The following ZNF713 variants were observed in gnomAD, a reference collection of about 807,000 sequenced individuals.
ZNF713 encodes zinc finger protein 713.
ZNF713 carries 21 observed loss-of-function variants against 28.7 expected under a neutral mutation model. The observed-to-expected ratio is 0.73, with a 90% CI of 0.52 to 1.05. ZNF713 has a LOEUF of 1.05. ZNF713 is among the 50% of genes least tolerant of loss of function. The probability of loss-of-function intolerance (pLI) is 0.00; values close to 1 mark genes in which losing one functional copy is unlikely to be tolerated. For synonymous variants in ZNF713, 167 were observed against 178.0 expected, an observed-to-expected ratio of 0.94 and a Z score of 0.49; for missense variants, 458 against 532.4, an observed-to-expected ratio of 0.86 and a Z score of 1.37.
At chr7:55,934,141 G>T (rs1584319638) in intron 6 of ZNF713, among the ~76,000 whole-genome samples, 2 of 152,268 alleles carry the variant, frequency 1.3e-5, no homozygotes, top group East Asian at 3.9e-4. Context: ...AAGATTGTTG[G>T]CAAAGAGACT....
chr7:55,921,337 T>G (rs1785989121), intron 4 of ZNF713, among the ~76,000 whole-genome samples: 1 of 152,198 alleles, frequency 6.6e-6, no homozygotes, highest in Non-Finnish European at 1.5e-5. Flanking sequence ...AAGGAGTAAT[T>G]TTGACTTTCA....
In ZNF713 at chr7:55,939,042, A is replaced by G; in HGVS notation, c.368A>G (p.Asn123Ser). 1 of 1,609,048 alleles carries G rather than the reference A, an allele frequency of 6.2e-7. No homozygotes were observed. The highest frequency in any genetic ancestry group is 8.5e-7 in the Non-Finnish European group (1 of 1,178,048). The change falls in exon 7 of 7, where the codon AAT becomes AGT. Residue 123 changes from asparagine to serine, a missense_variant. Transcript: ENST00000429591. ...STTSQNISDENQTHEMIMERL... is the reference protein window; with the variant it reads ...STTSQNISDESQTHEMIMERL... ...ACAAGCCAGAATATTTCTGATGAAA[A>G]TCAAACCCATGAGATGATAATGGAG... is the stretch of plus-strand genomic sequence containing the variant.
At chr7:55,892,555 C>CAAAAAAAAAA (rs56338467) in intron 1 of ZNF713, among the ~76,000 whole-genome samples, 32 of 74,358 alleles carry the variant, frequency 4.3e-4, no homozygotes, top group East Asian at 9.5e-4. Context: ...AAGCACTGAC[C>CAAAAAAAAAA]AAAAAAAAAA....
At chr7:55,938,932 G>C (rs1245095423) in intron 6 of ZNF713, 50 bp from the exon 7 acceptor site, 2 of 1,500,614 alleles carry the variant, frequency 1.3e-6, no homozygotes, top group Non-Finnish European at 1.8e-6. Flanking sequence ...TCAAATCATA[G>C]ATAACATGAG....
At chr7:55,922,676 C>T (rs1006981746) in intron 4 of ZNF713, among the ~76,000 whole-genome samples, 14 of 152,162 alleles carry the variant, frequency 9.2e-5, no homozygotes, top group Admixed American at 5.9e-4. Flanking sequence ...CTCAGATGAT[C>T]ATTACCATTT....
In ZNF713 at chr7:55,939,866, T is replaced by C. The variant is rs750708806; in HGVS notation, c.1192T>C (p.Tyr398His). The C allele has an allele frequency of 2.5e-6, 4 of 1,613,996 alleles. No individual in the cohort carries two copies. Among genetic ancestry groups the C allele is most frequent in the Non-Finnish European group, 3.4e-6 (4 of 1,179,986 alleles). The change falls in exon 7 of 7, where the codon TAT (tyrosine) becomes CAT (histidine). Residue 398 changes from tyrosine (Y) to histidine (H), a missense_variant. By Grantham distance (83) the Tyr-to-His change is moderately conservative. Coordinates refer to ENST00000429591, the MANE Select transcript of ZNF713 (RefSeq NM_182633.3). ...HERTHTGEKP[Y>H]KCNECGKAFS... ...AAGAACTCATACAGGAGAGAAACCC[T>C]ATAAATGTAATGAATGCGGGAAAGC...
At chr7:55,908,905 G>A (rs1309239462) in intron 2 of ZNF713, among the ~76,000 whole-genome samples, 1 of 151,904 alleles carries the variant, frequency 6.6e-6, no homozygotes, top group Non-Finnish European at 1.5e-5. Context: ...AATTTTTGTA[G>A]ATGGTTAAAG....
chr7:55,930,512 T>A (rs1393743104), intron 6 of ZNF713, among the ~76,000 whole-genome samples: 1 of 152,106 alleles, frequency 6.6e-6, no homozygotes, highest in African/African-American at 2.4e-5. Context: ...ACAACCACAC[T>A]CATTCTTTTA....
At chr7:55,921,137 C>T (rs73698918) in intron 4 of ZNF713, among the ~76,000 whole-genome samples, 3,759 of 152,064 alleles carry the variant, frequency 0.025, 152 homozygotes, top group African/African-American at 0.081. Context: ...TACCTGTTTA[C>T]GCATGGTTTA....
intron 1 of ZNF713, among the ~76,000 whole-genome samples, chr7:55,889,468 T>G (rs892610785): frequency 6.6e-6 from 1 of 152,222 alleles, no homozygotes; most frequent in African/African-American, 2.4e-5. Flanking sequence ...AAAAAAATAA[T>G]TTTTTAAAAG....
At position 55,939,639 on chromosome 7, in the gene ZNF713, C is replaced by T; in HGVS notation, c.965C>T (p.Ala322Val). 6.2e-7 allele frequency: 1 copy of T among 1,614,204 alleles called. No individual in the cohort carries two copies. Among genetic ancestry groups the T allele is most frequent in the Non-Finnish European group, 8.5e-7 (1 of 1,180,044 alleles). Residue 322 changes from alanine (A) to valine (V), a missense_variant, in exon 7 of 7, where the codon GCC becomes GTC. Ala to Val is a moderately conservative substitution (Grantham distance 64). Coordinates refer to ENST00000429591, the MANE Select transcript of ZNF713 (RefSeq NM_182633.3). ...TTTATATGCAATGGATGTGGGAAAGCCTTCCGTCAGCATTCATCCTTTACT... is the reference window on the plus strand; with the variant it reads ...TTTATATGCAATGGATGTGGGAAAGTCTTCCGTCAGCATTCATCCTTTACT... ...KPFICNGCGK[A>V]FRQHSSFTQH... is the part of the protein sequence containing the mutation.
At chr7:55,887,756 GGA>G (rs1491171080) in intron 1 of ZNF713, 76 bp downstream of exon 1, 49 of 2,428 alleles carry the variant, frequency 0.02, 8 homozygotes, top group East Asian at 0.12. Context: ...GGCGGGGGGC[GGA>G]GGCGGGGGGC....
chr7:55,928,073 A>G (rs1786136420), intron 6 of ZNF713, among the ~76,000 whole-genome samples: 1 of 151,972 alleles, frequency 6.6e-6, no homozygotes, highest in Admixed American at 6.6e-5. Flanking sequence ...ATTAGGAAGC[A>G]ATTTCCTTTG....
At chr7:55,934,707 G>A (rs945028606) in intron 6 of ZNF713, among the ~76,000 whole-genome samples, 2 of 152,030 alleles carry the variant, frequency 1.3e-5, no homozygotes, top group African/African-American at 4.8e-5. Flanking sequence ...ATTTCACTTT[G>A]TTGTCCAGGT....
intron 4 of ZNF713, among the ~76,000 whole-genome samples, chr7:55,913,865 A>G (rs1785833099): frequency 1.3e-5 from 2 of 152,154 alleles, no homozygotes; most frequent in African/African-American, 4.8e-5. Flanking sequence ...TAATCCCAGC[A>G]CTTTGGGAGG....
rs767092420 is a variant in ZNF713, at chr7:55,923,180, G to C, written c.106G>C (p.Asp36His). Residue 36 changes from aspartate to histidine, a missense_variant, in exon 5 of 7, where the codon GAT (aspartate) becomes CAT (histidine). Coordinates refer to ENST00000429591, the MANE Select transcript of ZNF713 (RefSeq NM_182633.3). Reference sequence around the variant, plus strand: ...GTTTCAGGAATCACTGACGTTTCAGGATGTGGCCGTGGACTTCACCAGAGA... The same window carrying C: ...GTTTCAGGAATCACTGACGTTTCAGCATGTGGCCGTGGACTTCACCAGAGA... ...VRSQESLTFQ[D>H]VAVDFTREEW... The C allele has an allele frequency of 6.2e-7, 1 of 1,612,840 alleles. No individual in the cohort carries two copies. The highest frequency in any genetic ancestry group is 8.5e-7 in the Non-Finnish European group (1 of 1,179,482).
intron 4 of ZNF713, among the ~76,000 whole-genome samples, chr7:55,915,166 C>T (rs1785857721): frequency 6.6e-6 from 1 of 152,222 alleles, no homozygotes. Context: ...TAAGACTCCC[C>T]AAAGACAGGA....
At chr7:55,929,789 G>A (rs1786175411) in intron 6 of ZNF713, among the ~76,000 whole-genome samples, 1 of 151,660 alleles carries the variant, frequency 6.6e-6, no homozygotes, top group Admixed American at 6.6e-5. Context: ...AAGAAAACAT[G>A]GGAGACATCT....
At chr7:55,904,352 A>G (rs1244739235) in intron 1 of ZNF713, among the ~76,000 whole-genome samples, 2 of 68,208 alleles carry the variant, frequency 2.9e-5, no homozygotes, top group Admixed American at 1.3e-4. Context: ...ATTCCCAGCT[A>G]CTTGGGAGGC....
Sources: gnomAD v4.1 joint callset for allele counts (sites outside exome capture counted in the v4.1 genomes callset) on GRCh38, gnomAD v4.1.1 for gene constraint, MANE v1.5 for transcripts, NCBI Gene and HGNC (gene_info 2026-07-23, HGNC 2026-07-21) for gene names.